VEPH1: variants seen among roughly 807,000 people sequenced by gnomAD.
VEPH1 encodes ventricular zone-expressed PH domain-containing protein homolog 1.
A neutral mutation model predicts 85.2 loss-of-function variants in VEPH1; 80 were observed. That is an observed-to-expected ratio of 0.94 (90% CI 0.78 to 1.13). The LOEUF (loss-of-function observed/expected upper bound fraction) is 1.13, where lower values mean the gene tolerates loss of function less well. VEPH1 is among the 50% of genes most tolerant of loss of function. The pLI is 0.00. For missense variants in VEPH1, 955 were observed against 980.5 expected (o/e 0.97, Z 0.35); for synonymous variants, 297 against 348.0 (o/e 0.85, Z 1.63).
chr3:157,341,880 T>C (rs939616251), intron 9 of VEPH1, among the ~76,000 whole-genome samples: 1 of 151,936 alleles, frequency 6.6e-6, no homozygotes, highest in Admixed American at 6.6e-5. Context: ...TCAACATTCT[T>C]AAAGAAAAGA....
At chr3:157,344,585 AAATGGCCATACTGCCCAAGGT>A (rs1262991053) in intron 9 of VEPH1, among the ~76,000 whole-genome samples, 1 of 152,226 alleles carries the variant, frequency 6.6e-6, no homozygotes, top group Non-Finnish European at 1.5e-5. Context: ...AATATCATGA[AAATGGCCATACTGCCCAAGGT>A]AATTTATAGA....
intron 9 of VEPH1, among the ~76,000 whole-genome samples, chr3:157,342,303 T>C (rs563983774): frequency 0.026 from 4,007 of 152,072 alleles, 182 homozygotes; most frequent in African/African-American, 0.091. Context: ...GAGACACACA[T>C]AGGCTCAAAA....
At chr3:157,267,317 A>G (rs1713834032) in intron 12 of VEPH1, among the ~76,000 whole-genome samples, 1 of 148,006 alleles carries the variant, frequency 6.8e-6, no homozygotes, top group African/African-American at 2.5e-5. Context: ...GGCTGGTCTC[A>G]AACTCCTGGC....
chr3:157,467,125 A>ATGTGTGTATGTGTGTGTGTGTG (rs1553793178), intron 3 of VEPH1, among the ~76,000 whole-genome samples: 1 of 145,346 alleles, frequency 6.9e-6, no homozygotes, highest in Non-Finnish European at 1.5e-5. Flanking sequence ...GTGTGTGTGT[A>ATGTGTGTATGTGTGTGTGTGTG]TGTGTGTGTG....
In VEPH1 at chr3:157,413,980, C is replaced by T; in HGVS notation, c.807G>A (p.Leu269=). 1.2e-6 allele frequency: 2 copies of T among 1,613,578 alleles called. No individual in the cohort carries two copies. Among genetic ancestry groups the T allele is most frequent in the Non-Finnish European group, 1.7e-6 (2 of 1,179,736 alleles). Residue 269 remains leucine (L), a synonymous_variant, in exon 6 of 14, where the codon TTG becomes TTA. Transcript: ENST00000362010. ...CTTTCAGCATTGGAAGAAAACTGTT[C>T]AAAGCCACTGGCTCATAGACTGCTA... ...IEIAVYEPVA[L]NSFLPMLKEI...
intron 9 of VEPH1, among the ~76,000 whole-genome samples, chr3:157,355,816 G>T (rs1725360512): frequency 6.6e-6 from 1 of 151,916 alleles, no homozygotes; most frequent in East Asian, 1.9e-4. Flanking sequence ...ATGGCTGCGG[G>T]ATAATTGATG....
intron 2 of VEPH1, among the ~76,000 whole-genome samples, chr3:157,490,609 G>A (rs1739140041): frequency 6.6e-6 from 1 of 152,038 alleles, no homozygotes; most frequent in African/African-American, 2.4e-5. Flanking sequence ...TTTAAAATCT[G>A]ATAAAAGCAA....
intron 4 of VEPH1, chr3:157,437,444 C>A: frequency 6.5e-7 from 1 of 1,542,690 alleles, no homozygotes. Context: ...CGAGGGAGGT[C>A]AGCTTTTACA....
intron 9 of VEPH1, among the ~76,000 whole-genome samples, chr3:157,317,750 T>C (rs1720896185): frequency 6.6e-6 from 1 of 152,158 alleles, no homozygotes; most frequent in Non-Finnish European, 1.5e-5. Context: ...GATTATCCTT[T>C]AGGGACAAGG....
intron 11 of VEPH1, 73 bp downstream of exon 11, chr3:157,313,547 TA>T (rs34067114): frequency 0.12 from 182,944 of 1,512,894 alleles, 17,430 homozygotes; most frequent in African/African-American, 0.48. Flanking sequence ...ATTTAATTGC[TA>T]AAAAAAAGGG....
chr3:157,444,196 C>A (rs111411225), intron 4 of VEPH1, among the ~76,000 whole-genome samples: 2 of 152,212 alleles, frequency 1.3e-5, no homozygotes, highest in South Asian at 4.1e-4. Context: ...ATGTTGTGGG[C>A]CCACAGTGAT....
chr3:157,422,414 T>G (rs1467510964), intron 5 of VEPH1, among the ~76,000 whole-genome samples: 1 of 152,208 alleles, frequency 6.6e-6, no homozygotes, highest in East Asian at 1.9e-4. Context: ...AAATGAGATG[T>G]CTGTGATACA....
intron 5 of VEPH1, among the ~76,000 whole-genome samples, chr3:157,417,490 C>T (rs75885334): frequency 0.019 from 2,959 of 152,228 alleles, 96 homozygotes; most frequent in African/African-American, 0.067. Context: ...CCTTAAACTC[C>T]GATCTAATTA....
intron 4 of VEPH1, among the ~76,000 whole-genome samples, chr3:157,452,394 G>A (rs1485479302): frequency 6.6e-6 from 1 of 152,192 alleles, no homozygotes; most frequent in African/African-American, 2.4e-5. Context: ...AGAGGAACGA[G>A]GGTTTATTAG....
intron 2 of VEPH1, among the ~76,000 whole-genome samples, chr3:157,494,130 C>T (rs1316216344): frequency 6.6e-6 from 1 of 152,146 alleles, no homozygotes; most frequent in Non-Finnish European, 1.5e-5. Context: ...CTTCATTGGT[C>T]ACTGGGGGGA....
At chr3:157,483,647 A>G (rs1370713794) in intron 2 of VEPH1, among the ~76,000 whole-genome samples, 2 of 152,168 alleles carry the variant, frequency 1.3e-5, no homozygotes, top group Non-Finnish European at 2.9e-5. Flanking sequence ...TAGAGCTGAA[A>G]AAAAGACTTA....
chr3:157,445,779 C>A (rs1035549480), intron 4 of VEPH1, among the ~76,000 whole-genome samples: 1 of 152,130 alleles, frequency 6.6e-6, no homozygotes, highest in Non-Finnish European at 1.5e-5. Context: ...CAGAGCGAGA[C>A]TTCATCTCAA....
At chr3:157,381,483 T>TTACTTGAGCCCA in intron 6 of VEPH1, 107 bp from the exon 7 acceptor site, 1 of 1,131,838 alleles carries the variant, frequency 8.8e-7, no homozygotes, top group South Asian at 1.4e-5. Context: ...GGTGGGTGGA[T>TTACTTGAGCCCA]GGCTTGGAAC....
intron 4 of VEPH1, among the ~76,000 whole-genome samples, chr3:157,457,445 C>A (rs1393484561): frequency 2.6e-5 from 4 of 152,166 alleles, no homozygotes; most frequent in Non-Finnish European, 4.4e-5. Flanking sequence ...GAGAGGGCGT[C>A]CTTGTCTTGT....
Sources: gnomAD v4.1 joint callset for allele counts (sites outside exome capture counted in the v4.1 genomes callset) on GRCh38, gnomAD v4.1.1 for gene constraint, MANE v1.5 for transcripts, NCBI Gene and HGNC (gene_info 2026-07-23, HGNC 2026-07-21) for gene names.